Variants in FBXW8 observed in about 807,000 individuals in gnomAD.
The protein encoded by FBXW8 is F-box/WD repeat-containing protein 8.
In FBXW8, 57 loss-of-function variants were observed where a neutral mutation model predicts 65.3. That is an observed-to-expected ratio of 0.87 (90% CI 0.71 to 1.09). The LOEUF is 1.09. Ranked by LOEUF, FBXW8 falls within the 50% of genes least tolerant of loss-of-function variation. The probability of loss-of-function intolerance (pLI) is 0.00; values close to 1 mark genes in which losing one functional copy is unlikely to be tolerated. For synonymous variants in FBXW8, 308 were observed against 330.2 expected (o/e 0.93, Z 0.73); for missense variants, 777 against 814.8 (o/e 0.95, Z 0.57).
intron 8 of FBXW8, among the ~76,000 whole-genome samples, chr12:117,016,000 G>A (rs1158704978): frequency 6.6e-6 from 1 of 152,176 alleles, no homozygotes; most frequent in East Asian, 1.9e-4. Flanking sequence ...GTTGTAGCAT[G>A]TATCAGTATG....
At chr12:117,014,122 C>T (rs1192655964) in intron 8 of FBXW8, among the ~76,000 whole-genome samples, 2 of 152,166 alleles carry the variant, frequency 1.3e-5, no homozygotes, top group African/African-American at 2.4e-5. Flanking sequence ...TGTTCTTTCC[C>T]AAACCTTTCT....
Position 116,911,280 on chromosome 12 carries a change from C to G in FBXW8, c.243C>G (p.Ser81Arg). Residue 81 changes from serine (S) to arginine (R), a missense_variant, in exon 1 of 11, where the codon AGC (serine) becomes AGG (arginine). Physicochemically the swap from Ser to Arg is moderately radical, Grantham distance 110. Coordinates refer to ENST00000652555, the MANE Select transcript of FBXW8 (RefSeq NM_153348.3). The stretch of plus-strand genomic sequence containing the variant: ...GGGCCGAGGGGCAGGACGTAGCGAG[C>G]CGCTCACGTTCTCCTCTGGCCCGCG... ...ATRAEGQDVA[S>R]RSRSPLAREG... is the part of the protein sequence containing the mutation. 1 of 1,261,696 alleles carries G rather than the reference C, an allele frequency of 7.9e-7. No homozygotes were observed. The highest frequency in any genetic ancestry group is 9.9e-7 in the Non-Finnish European group (1 of 1,006,358). 78.2% of individuals were successfully genotyped at this position (1,261,696 alleles called of 1,614,324 possible).
At chr12:116,988,056 A>G (rs1380817784) in intron 6 of FBXW8, among the ~76,000 whole-genome samples, 3 of 152,242 alleles carry the variant, frequency 2.0e-5, no homozygotes, top group African/African-American at 7.2e-5. Context: ...ACTGCATGGT[A>G]TTCCAGCGTA....
intron 1 of FBXW8, among the ~76,000 whole-genome samples, chr12:116,920,698 G>T (rs74774093): frequency 6.6e-6 from 1 of 152,236 alleles, no homozygotes; most frequent in East Asian, 1.9e-4. Context: ...CAAAGGTTCT[G>T]TGGTGACCAG....
At position 116,920,833 on chromosome 12, in the gene FBXW8, G is replaced by A. The variant is rs536583154; in HGVS notation, c.319-7190G>A. ...GGTGGGAATGTGCCTGCAGTGTTTG[G>A]GACCCTTAATGTGAACATCTTTACT... On this transcript the variant is annotated intron_variant, in intron 1 of 10. Coordinates refer to ENST00000652555, the MANE Select transcript of FBXW8 (RefSeq NM_153348.3). 2.6e-5 allele frequency among the ~76,000 whole-genome samples: 4 copies of A among 152,210 alleles called. No homozygotes were observed. The South Asian group carries it at 8.3e-4, about 32-fold the overall frequency.
chr12:117,027,056 G>A (rs1954249084), intron 9 of FBXW8, among the ~76,000 whole-genome samples: 1 of 152,204 alleles, frequency 6.6e-6, no homozygotes, highest in Non-Finnish European at 1.5e-5. Flanking sequence ...TGCCCAGGGA[G>A]GCAGCGATGG....
chr12:116,985,036 G>T, intron 5 of FBXW8, 170 bp from the exon 6 acceptor site: 1 of 532,286 alleles, frequency 1.9e-6, no homozygotes, highest in Non-Finnish European at 3.3e-6. Context: ...TTACCTTCAG[G>T]CCATGTGCAT....
chr12:116,914,105 TACAAAAAATTTA>T (rs1352376608), intron 1 of FBXW8, among the ~76,000 whole-genome samples: 1 of 152,074 alleles, frequency 6.6e-6, no homozygotes, highest in Non-Finnish European at 1.5e-5. Flanking sequence ...ACCCTGGTTC[TACAAAAAATTTA>T]AAAAATTTAG....
intron 5 of FBXW8, among the ~76,000 whole-genome samples, chr12:116,965,629 C>T: frequency 6.6e-6 from 1 of 152,160 alleles, no homozygotes; most frequent in Admixed American, 6.5e-5. Context: ...CATGTCATGG[C>T]ACCACTGCAA....
intron 7 of FBXW8, among the ~76,000 whole-genome samples, chr12:117,006,076 C>T (rs1284580386): frequency 6.6e-6 from 1 of 152,190 alleles, no homozygotes; most frequent in Non-Finnish European, 1.5e-5. Flanking sequence ...CTCCTGGGCT[C>T]TCTGGACAGA....
Position 116,985,529 on chromosome 12 carries a change from TCTAA to T in FBXW8, c.1032+131_1032+134del, listed in dbSNP as rs1885619302. The T allele has an allele frequency of 3.5e-6, 3 of 868,614 alleles. No individual in the cohort carries two copies. The Admixed American group carries it at 9.2e-5, about 27-fold the overall frequency. 53.8% of individuals were successfully genotyped at this position (868,614 alleles called of 1,614,324 possible). A position where few individuals can be genotyped will look rare whatever the true frequency, so the allele number is the denominator to read the frequency against. Reference sequence around the variant, plus strand: ...TTCCTGCGGGCCTTACCTCCATAAGTCTAACTACAGCCTTACAAAATAGGTAGTA... The same window carrying T: ...TTCCTGCGGGCCTTACCTCCATAAGTCTACAGCCTTACAAAATAGGTAGTA... On this transcript the variant is annotated intron_variant, in intron 6 of 10. Transcript: ENST00000652555.
intron 4 of FBXW8, among the ~76,000 whole-genome samples, chr12:116,951,963 G>T (rs1033522242): frequency 6.6e-6 from 1 of 152,134 alleles, no homozygotes; most frequent in South Asian, 2.1e-4. Flanking sequence ...TCTTTTGTCC[G>T]TGAGTCTTTG....
At chr12:116,913,385 G>T (rs902625290) in intron 1 of FBXW8, among the ~76,000 whole-genome samples, 1 of 152,144 alleles carries the variant, frequency 6.6e-6, no homozygotes, top group African/African-American at 2.4e-5. Flanking sequence ...TATAACTTTT[G>T]ACTCTCCCAA....
intron 9 of FBXW8, among the ~76,000 whole-genome samples, chr12:117,025,355 G>A (rs1954198269): frequency 6.6e-6 from 1 of 152,166 alleles, no homozygotes; most frequent in Non-Finnish European, 1.5e-5. Flanking sequence ...GATGATTCTG[G>A]GCCAGTGGCC....
At chr12:116,953,340 C>T (rs75429146) in intron 4 of FBXW8, among the ~76,000 whole-genome samples, 1 of 152,236 alleles carries the variant, frequency 6.6e-6, no homozygotes, top group Non-Finnish European at 1.5e-5. Context: ...AGTGGAGCCG[C>T]TCCGCTGTGT....
chr12:116,943,337 T>G (rs762557114), intron 2 of FBXW8, among the ~76,000 whole-genome samples: 1 of 152,218 alleles, frequency 6.6e-6, no homozygotes, highest in Non-Finnish European at 1.5e-5. Context: ...ATAGAATCTT[T>G]CTCCCTCTTC....
intron 7 of FBXW8, among the ~76,000 whole-genome samples, chr12:116,993,305 T>C (rs1953298750): frequency 6.6e-6 from 1 of 151,974 alleles, no homozygotes; most frequent in African/African-American, 2.4e-5. Context: ...AGTTTCACCA[T>C]GTTGGCCAGG....
intron 1 of FBXW8, among the ~76,000 whole-genome samples, chr12:116,911,896 AGAG>A (rs1201266389): frequency 1.3e-5 from 2 of 152,312 alleles, no homozygotes; most frequent in East Asian, 1.9e-4. Context: ...AAAAGGAAGA[AGAG>A]GAGGAAGAAT....
chr12:117,015,272 A>G (rs1374665670), intron 8 of FBXW8, among the ~76,000 whole-genome samples: 5 of 152,080 alleles, frequency 3.3e-5, no homozygotes, highest in African/African-American at 1.2e-4. Context: ...CTCCTCTGCA[A>G]TCCATCAGCT....
Sources: gnomAD v4.1 joint callset for allele counts (sites outside exome capture counted in the v4.1 genomes callset) on GRCh38, gnomAD v4.1.1 for gene constraint, MANE v1.5 for transcripts, NCBI Gene and HGNC (gene_info 2026-07-23, HGNC 2026-07-21) for gene names.